BCKDHB: variants seen among roughly 807,000 people sequenced by gnomAD.
BCKDHB encodes 2-oxoisovalerate dehydrogenase subunit beta, mitochondrial.
A neutral mutation model predicts 48.5 loss-of-function variants in BCKDHB; 41 were observed. The ratio of observed to expected loss-of-function variants is 0.85; its 90% CI spans 0.66 to 1.10. BCKDHB has a LOEUF of 1.10. Among genes scored for constraint, BCKDHB ranks in the 50% least tolerant of loss-of-function variants. The probability of loss-of-function intolerance (pLI) is 0.00; values close to 1 mark genes in which losing one functional copy is unlikely to be tolerated. For synonymous variants in BCKDHB, 201 were observed against 174.8 expected (o/e 1.15, Z -1.18); for missense variants, 496 against 494.2 (o/e 1.00, Z -0.03).
At chr6:80,220,996 G>A (rs1384713972) in intron 8 of BCKDHB, among the ~76,000 whole-genome samples, 2 of 152,036 alleles carry the variant, frequency 1.3e-5, no homozygotes, top group Non-Finnish European at 2.9e-5. Context: ...GCCTCCCAAA[G>A]TGCTGGGATT....
chr6:80,243,283 T>G (rs894587332), intron 8 of BCKDHB, among the ~76,000 whole-genome samples: 1 of 152,108 alleles, frequency 6.6e-6, no homozygotes, highest in Non-Finnish European at 1.5e-5. Context: ...GGCTGGAATA[T>G]CAGTGGAGAT....
intron 9 of BCKDHB, among the ~76,000 whole-genome samples, chr6:80,328,007 A>G (rs1769127551): frequency 7.1e-6 from 1 of 141,758 alleles, no homozygotes; most frequent in Non-Finnish European, 1.5e-5. Flanking sequence ...TTTTAGTATT[A>G]AAATGGTCAC....
chr6:80,393,473 C>G, the BCKDHB span, among the ~76,000 whole-genome samples: 8 of 152,108 alleles, frequency 5.3e-5, no homozygotes, highest in African/African-American at 1.9e-4. Context: ...TGTGAGCATA[C>G]AGCAAGAAGA....
the BCKDHB span, among the ~76,000 whole-genome samples, chr6:80,455,943 C>A: frequency 6.6e-6 from 1 of 152,024 alleles, no homozygotes; most frequent in Non-Finnish European, 1.5e-5. Flanking sequence ...AACAAACCTT[C>A]GCTGGGCGCG....
At chr6:80,174,755 A>T (rs1327876325) in intron 6 of BCKDHB, among the ~76,000 whole-genome samples, 3 of 152,134 alleles carry the variant, frequency 2.0e-5, no homozygotes, top group African/African-American at 7.2e-5. Context: ...GGCACTGAGG[A>T]TGGGAGATAA....
rs550822633 is a variant in BCKDHB at position 80,281,272 on chromosome 6, G to A, written c.1038+8051G>A. ...AGAAGCTGCCTGGGTTGAAGAAGAAGCCACACCAACATTTAAGAGAAAGAA... is the reference window on the plus strand; with the variant it reads ...AGAAGCTGCCTGGGTTGAAGAAGAAACCACACCAACATTTAAGAGAAAGAA... On this transcript the variant is annotated intron_variant, in intron 9 of 9. Transcript: ENST00000320393. 2.5e-4 allele frequency among the ~76,000 whole-genome samples: 38 copies of A among 152,218 alleles called. 1 individual carries two copies. In the South Asian group the frequency reaches 7.5e-3, roughly 30 times the overall value.
chr6:80,162,997 A>G (rs960747991), intron 3 of BCKDHB, among the ~76,000 whole-genome samples: 1 of 151,154 alleles, frequency 6.6e-6, no homozygotes, highest in South Asian at 2.1e-4. Context: ...ATCTCAGCTC[A>G]CTGCAGCCTT....
intron 3 of BCKDHB, among the ~76,000 whole-genome samples, chr6:80,140,665 T>G (rs1771154361): frequency 1.3e-5 from 2 of 152,236 alleles, no homozygotes; most frequent in African/African-American, 4.8e-5. Context: ...CACTTGATCA[T>G]GGTGGATAAG....
chr6:80,327,759 G>C (rs1769104950), intron 9 of BCKDHB, among the ~76,000 whole-genome samples: 1 of 152,012 alleles, frequency 6.6e-6, no homozygotes, highest in Admixed American at 6.6e-5. Flanking sequence ...TGTACTTTGT[G>C]ATCTCGCTAC....
chr6:80,444,466 T>C, the BCKDHB span, among the ~76,000 whole-genome samples: 3 of 152,138 alleles, frequency 2.0e-5, no homozygotes, highest in Admixed American at 1.3e-4. Context: ...ATCAACATAA[T>C]AATAGCAGAC....
intron 6 of BCKDHB, among the ~76,000 whole-genome samples, chr6:80,177,779 A>ATAC (rs1289511858): frequency 6.6e-6 from 1 of 152,208 alleles, no homozygotes; most frequent in African/African-American, 2.4e-5. Flanking sequence ...TAGGTAAAGG[A>ATAC]TACTAGGTAA....
At chr6:80,172,039 C>G (rs1409290098) in intron 6 of BCKDHB, among the ~76,000 whole-genome samples, 2 of 152,100 alleles carry the variant, frequency 1.3e-5, no homozygotes, top group African/African-American at 4.8e-5. Context: ...CTCCCTATGC[C>G]AAAAACAGCC....
intron 1 of BCKDHB, among the ~76,000 whole-genome samples, chr6:80,115,637 GT>G (rs1159338443): frequency 6.7e-6 from 1 of 149,548 alleles, no homozygotes; most frequent in East Asian, 2.0e-4. Flanking sequence ...AAATGCTGGG[GT>G]TTCTTTTTTT....
At chr6:80,359,930 C>T in the BCKDHB span, among the ~76,000 whole-genome samples, 1 of 152,168 alleles carries the variant, frequency 6.6e-6, no homozygotes. Context: ...TTTCTTCTGA[C>T]ATCTTGCTGG....
chr6:80,335,846 G>A (rs1277677023), intron 9 of BCKDHB, among the ~76,000 whole-genome samples: 4 of 151,944 alleles, frequency 2.6e-5, no homozygotes, highest in Non-Finnish European at 5.9e-5. Context: ...ATTTTACCTG[G>A]AAAAACAAAG....
At chr6:80,195,810 C>T (rs973428684) in intron 6 of BCKDHB, among the ~76,000 whole-genome samples, 2 of 152,150 alleles carry the variant, frequency 1.3e-5, no homozygotes, top group African/African-American at 4.8e-5. Context: ...TACCTTTCCC[C>T]ATTAGACTGA....
intron 8 of BCKDHB, among the ~76,000 whole-genome samples, chr6:80,265,408 T>C (rs555524272): frequency 1.2e-4 from 19 of 152,216 alleles, no homozygotes; most frequent in African/African-American, 4.6e-4. Flanking sequence ...ACAGCATAGA[T>C]GAACCTTGAA....
At position 80,344,298 on chromosome 6, in the gene BCKDHB, C is replaced by T. The variant is rs1770078729; in HGVS notation, c.*494C>T. ...GGGATTACAGGCATGAGCCACTGCACCTGGCTATATTTACATTTAATAGAA... is the reference window on the plus strand; with the variant it reads ...GGGATTACAGGCATGAGCCACTGCATCTGGCTATATTTACATTTAATAGAA... On this transcript the variant is annotated 3_prime_UTR_variant, in exon 10 of 10. Coordinates refer to ENST00000320393, the MANE Select transcript of BCKDHB (RefSeq NM_183050.4). 1 of 189,304 alleles carries T rather than the reference C, an allele frequency of 5.3e-6. No individual in the cohort carries two copies. The highest frequency in any genetic ancestry group is 1.1e-5 in the Non-Finnish European group (1 of 90,906). 11.7% of individuals were successfully genotyped at this position (189,304 alleles called of 1,614,324 possible).
At chr6:80,291,936 T>G (rs6907781) in intron 9 of BCKDHB, among the ~76,000 whole-genome samples, 1 of 152,150 alleles carries the variant, frequency 6.6e-6, no homozygotes, top group Admixed American at 6.5e-5. Flanking sequence ...TAAATTGGCT[T>G]TGATGGAACT....
Sources: allele counts gnomAD v4.1 joint callset (sites outside exome capture counted in the v4.1 genomes callset), GRCh38; gene constraint gnomAD v4.1.1; transcripts MANE v1.5; gene names NCBI Gene and HGNC (gene_info 2026-07-23, HGNC 2026-07-21).